The following ADGRL4 variants were observed in gnomAD, a reference collection of about 807,000 sequenced individuals.
The protein encoded by ADGRL4 is EGF, latrophilin and seven transmembrane domain containing 1.
A neutral mutation model predicts 74.8 loss-of-function variants in ADGRL4; 90 were observed. The observed-to-expected ratio is 1.20, with a 90% CI of 1.02 to 1.43. The LOEUF is 1.43. Ranked by LOEUF, ADGRL4 falls within the 40% of genes most tolerant of loss-of-function variation. The pLI is 0.00. For synonymous variants in ADGRL4, 311 were observed against 279.2 expected, an observed-to-expected ratio of 1.11 and a Z score of -1.14; for missense variants, 881 against 814.3, an observed-to-expected ratio of 1.08 and a Z score of -1.00.
chr1:78,961,656 A>G (rs1391646756), intron 2 of ADGRL4, among the ~76,000 whole-genome samples: 1 of 152,138 alleles, frequency 6.6e-6, no homozygotes, highest in Admixed American at 6.5e-5. Context: ...AATGGCCTTC[A>G]CAACAGTCTT....
chr1:78,964,280 C>CT (rs1650012574), intron 2 of ADGRL4, among the ~76,000 whole-genome samples: 1 of 152,174 alleles, frequency 6.6e-6, no homozygotes, highest in South Asian at 2.1e-4. Flanking sequence ...CACTCTAGTG[C>CT]TTTTCTAGCT....
intron 2 of ADGRL4, among the ~76,000 whole-genome samples, chr1:78,966,475 A>C (rs536116845): frequency 6.6e-6 from 1 of 152,286 alleles, no homozygotes; most frequent in East Asian, 1.9e-4. Context: ...GCGGTGAGTA[A>C]AATGGGGACT....
At chr1:78,905,740 A>G (rs1377759626) in intron 12 of ADGRL4, among the ~76,000 whole-genome samples, 1 of 152,054 alleles carries the variant, frequency 6.6e-6, no homozygotes, top group Non-Finnish European at 1.5e-5. Context: ...AAGATGCTCA[A>G]CAATCATTTG....
chr1:78,962,637 C>T (rs1177113543), intron 2 of ADGRL4, among the ~76,000 whole-genome samples: 6 of 151,948 alleles, frequency 3.9e-5, no homozygotes. Context: ...ATCAATTATT[C>T]TTCAAAAATA....
intron 13 of ADGRL4, 42 bp from the exon 14 acceptor site, chr1:78,891,734 TA>T: frequency 6.5e-7 from 1 of 1,531,530 alleles, no homozygotes; most frequent in African/African-American, 1.4e-5. Context: ...AAGCTACGTA[TA>T]GTCAACATAT....
At chr1:78,954,164 A>AT (rs1362460803) in intron 2 of ADGRL4, among the ~76,000 whole-genome samples, 1 of 152,036 alleles carries the variant, frequency 6.6e-6, no homozygotes, top group Non-Finnish European at 1.5e-5. Context: ...AAATAAATAA[A>AT]TAAATAAATA....
At chr1:78,924,283 G>A (rs1332873437) in intron 8 of ADGRL4, among the ~76,000 whole-genome samples, 6 of 152,066 alleles carry the variant, frequency 3.9e-5, no homozygotes, top group East Asian at 3.9e-4. Context: ...GTGTGTCTGC[G>A]TGTATATGTA....
intron 8 of ADGRL4, among the ~76,000 whole-genome samples, chr1:78,923,603 C>A (rs1473646291): frequency 6.6e-6 from 1 of 151,614 alleles, no homozygotes; most frequent in Non-Finnish European, 1.5e-5. Flanking sequence ...GAAAGAAAGT[C>A]AAGAGCAAGA....
At chr1:78,970,902 G>A (rs1432891256) in intron 2 of ADGRL4, among the ~76,000 whole-genome samples, 1 of 152,164 alleles carries the variant, frequency 6.6e-6, no homozygotes, top group African/African-American at 2.4e-5. Flanking sequence ...AATGCAGAAG[G>A]CCAACATGAT....
chr1:78,951,153 C>G (rs1438507600), intron 2 of ADGRL4, among the ~76,000 whole-genome samples: 1 of 152,158 alleles, frequency 6.6e-6, no homozygotes, highest in African/African-American at 2.4e-5. Context: ...TGCTCTCCTT[C>G]TAACTCCCCA....
intron 2 of ADGRL4, among the ~76,000 whole-genome samples, chr1:78,951,416 A>C (rs995406100): frequency 1.3e-5 from 2 of 152,166 alleles, no homozygotes; most frequent in African/African-American, 4.8e-5. Flanking sequence ...GGTTCAGCCC[A>C]ACTTGCCAGT....
chr1:78,905,011 G>A (rs1467614145), intron 12 of ADGRL4, among the ~76,000 whole-genome samples: 3 of 151,912 alleles, frequency 2.0e-5, no homozygotes, highest in Admixed American at 6.6e-5. Context: ...GATAATTATT[G>A]TTTTGTGATA....
chr1:78,917,950 C>T lies in ADGRL4; in HGVS notation c.1562G>A (p.Gly521Asp), dbSNP rs900207360. The change falls in exon 11 of 15, where the codon GGT (glycine) becomes GAT (aspartate). Residue 521 changes from glycine (G) to aspartate (D), a missense_variant. Coordinates refer to ENST00000370742, the MANE Select transcript of ADGRL4 (RefSeq NM_022159.4). ...EGIHLYLIVV[G>D]VIYNKGFLHK... ...CAAAAATCCCTTGTTGTAGATGACA[C>T]CCACAACAATGAGATAGAGATGTAT... 1 of 1,612,310 alleles carries T rather than the reference C, an allele frequency of 6.2e-7. No individual in the cohort carries two copies. Among genetic ancestry groups the T allele is most frequent in the Non-Finnish European group, 8.5e-7 (1 of 1,178,932 alleles).
intron 3 of ADGRL4, among the ~76,000 whole-genome samples, chr1:78,942,661 G>C (rs1172904830): frequency 6.6e-6 from 1 of 150,580 alleles, no homozygotes; most frequent in Non-Finnish European, 1.5e-5. Flanking sequence ...TGCTTGGCTG[G>C]CTCACACCTG....
At chr1:78,914,104 A>T (rs1033450638) in intron 12 of ADGRL4, among the ~76,000 whole-genome samples, 2 of 151,860 alleles carry the variant, frequency 1.3e-5, no homozygotes, top group African/African-American at 2.4e-5. Context: ...GGAATCTGGC[A>T]TGCTTATAAG....
At chr1:78,989,697 T>C (rs1650566416) in intron 2 of ADGRL4, among the ~76,000 whole-genome samples, 1 of 151,878 alleles carries the variant, frequency 6.6e-6, no homozygotes, top group South Asian at 2.1e-4. Flanking sequence ...GTGTCCTGAA[T>C]GGTTTGGGAA....
intron 12 of ADGRL4, among the ~76,000 whole-genome samples, chr1:78,916,179 T>C (rs927515489): frequency 4.4e-4 from 67 of 151,918 alleles, no homozygotes; most frequent in African/African-American, 1.5e-3. Flanking sequence ...CAAGCAACTG[T>C]TAAAAACTAT....
chr1:78,973,369 T>C (rs1008188912), intron 2 of ADGRL4, among the ~76,000 whole-genome samples: 1 of 151,916 alleles, frequency 6.6e-6, no homozygotes. Flanking sequence ...GTGAATGTTC[T>C]ACTTATAATT....
chr1:78,993,595 G>T (rs1650654053), intron 2 of ADGRL4, among the ~76,000 whole-genome samples: 1 of 148,986 alleles, frequency 6.7e-6, no homozygotes, highest in Admixed American at 6.7e-5. Context: ...TTGAGATGGA[G>T]TCTCGCTCTC....
Sources: allele counts gnomAD v4.1 joint callset (sites outside exome capture counted in the v4.1 genomes callset), GRCh38; gene constraint gnomAD v4.1.1; transcripts MANE v1.5; gene names NCBI Gene and HGNC (gene_info 2026-07-23, HGNC 2026-07-21).